Variants in ATG2A observed in about 807,000 individuals in gnomAD.
ATG2A encodes the protein autophagy-related protein 2 homolog A.
ATG2A carries 103 observed loss-of-function variants against 214.2 expected under a neutral mutation model. The observed-to-expected ratio is 0.48, with a 90% CI of 0.41 to 0.57. The LOEUF is 0.57. Among genes scored for constraint, ATG2A ranks in the 20% least tolerant of loss-of-function variants. ATG2A has a pLI of 0.00. For synonymous variants in ATG2A, 1,160 were observed against 1,142.1 expected, an observed-to-expected ratio of 1.02 and a Z score of -0.32; for missense variants, 2,312 against 2,613.2, an observed-to-expected ratio of 0.88 and a Z score of 2.51.
In ATG2A at chr11:64,907,277, A is replaced by T; in HGVS notation, c.2810T>A (p.Ile937Asn). The change falls in exon 19 of 41, where the codon ATC becomes AAC. Residue 937 changes from isoleucine to asparagine, a missense_variant. By Grantham distance (149) the Ile-to-Asn change is moderately radical. Transcript: ENST00000377264. ...STLVTVLKGR[I>N]TALCETKDEG... ...CACCTTGGTCTCACAGAGGGCTGTG[A>T]TCCGCCCCTTCAGCACTGTCACCAG... 1 of 1,527,858 alleles carries T rather than the reference A, an allele frequency of 6.5e-7. No homozygotes were observed. Among genetic ancestry groups the T allele is most frequent in the Non-Finnish European group, 8.8e-7 (1 of 1,134,912 alleles). The allele number at this position is 1,527,858 out of a possible 1,614,324, so 94.6% of individuals were successfully genotyped here. A position where few individuals can be genotyped will look rare whatever the true frequency, so the allele number is the denominator to read the frequency against.
intron 26 of ATG2A, 106 bp from the exon 27 acceptor site, chr11:64,902,786 C>G: frequency 1.9e-6 from 2 of 1,033,750 alleles, no homozygotes; most frequent in Non-Finnish European, 2.9e-6. Context: ...CTGCCACAGG[C>G]AGAACAGGGA....
At chr11:64,914,781 TG>T (rs1022917884) in intron 1 of ATG2A, among the ~76,000 whole-genome samples, 1 of 151,846 alleles carries the variant, frequency 6.6e-6, no homozygotes, top group African/African-American at 2.4e-5. Flanking sequence ...ATGCTGACAC[TG>T]AGACTAGATG....
intron 37 of ATG2A, 122 bp from the exon 38 acceptor site, chr11:64,896,991 G>T (rs1944175775): frequency 3.7e-6 from 5 of 1,353,276 alleles, no homozygotes; most frequent in Non-Finnish European, 5.0e-6. Context: ...CCTCCCTGTG[G>T]TCCCACCCAG....
Position 64,913,439 on chromosome 11 carries a change from C to G in ATG2A, c.591-38G>C, listed in dbSNP as rs1444511976. The G allele has an allele frequency of 6.6e-7, 1 of 1,523,514 alleles. No individual in the cohort carries two copies. Among genetic ancestry groups the G allele is most frequent in the African/African-American group, 1.4e-5 (1 of 73,070 alleles). 94.4% of individuals were successfully genotyped at this position (1,523,514 alleles called of 1,614,324 possible). ...GGGTCAGCCCGTGCCCTGGCCACCC[C>G]AGGCCTGGAGCCCCTCTCTCCACAC... On this transcript the variant is annotated intron_variant, in intron 4 of 40. Coordinates refer to ENST00000377264, the MANE Select transcript of ATG2A (RefSeq NM_015104.3). This position sits in a 1 kb window ranked among gnomAD's most constrained non-coding sequence, Gnocchi z 4.3.
intron 24 of ATG2A, among the ~76,000 whole-genome samples, chr11:64,904,560 T>TA (rs1187974527): frequency 1.3e-5 from 2 of 151,620 alleles, no homozygotes; most frequent in Non-Finnish European, 2.9e-5. Flanking sequence ...AAAAAATAAA[T>TA]AAAAAAGTCT....
At chr11:64,906,964 C>T (rs118183178) in intron 19 of ATG2A, 149 bp from the exon 20 acceptor site, 48 of 1,077,242 alleles carry the variant, frequency 4.5e-5, no homozygotes, top group Non-Finnish European at 6.0e-5. Flanking sequence ...ATGGCACTTG[C>T]CTCTTTTGCC....
rs1944160140 is a variant in ATG2A at position 64,896,599 on chromosome 11, G to A, written c.5290C>T (p.Leu1764=). Residue 1764 remains leucine (L), a synonymous_variant, in exon 39 of 41, where the codon CTG becomes TTG. Transcript: ENST00000377264. ...VVQLFQGFRD[L]LWLPIEQYRK... Reference sequence around the variant, plus strand: ...TACTGCTCAATGGGCAGCCACAGCAGGTCCCGGAACCCTTGGACTAGGGGG... The same window carrying A: ...TACTGCTCAATGGGCAGCCACAGCAAGTCCCGGAACCCTTGGACTAGGGGG... The A allele has an allele frequency of 1.2e-6, 2 of 1,613,824 alleles. No individual in the cohort carries two copies. The highest frequency in any genetic ancestry group is 1.7e-5 in the Admixed American group (1 of 60,004).
rs746013952 is a variant in ATG2A, at chr11:64,907,827, G to A, written c.2428C>T (p.Arg810Cys). ...TFQSRTLALS[R>C]CSLEVILPSV... Reference sequence around the variant, plus strand: ...GGCAGGATCACTTCCAGGCTGCAGCGGGACAGTGCCAGGGTCCGGCTCTGG... The same window carrying A: ...GGCAGGATCACTTCCAGGCTGCAGCAGGACAGTGCCAGGGTCCGGCTCTGG... Residue 810 changes from arginine (R) to cysteine (C), a missense_variant, in exon 17 of 41, where the codon CGC becomes TGC. Coordinates refer to ENST00000377264, the MANE Select transcript of ATG2A (RefSeq NM_015104.3). 1.9e-5 allele frequency: 31 copies of A among 1,613,314 alleles called. No homozygotes were observed. Among genetic ancestry groups the A allele is most frequent in the East Asian group, 4.5e-5 (2 of 44,888 alleles).
chr11:64,905,383 A>G (rs1944505154), intron 24 of ATG2A, among the ~76,000 whole-genome samples, 180 bp downstream of exon 24: 1 of 152,226 alleles, frequency 6.6e-6, no homozygotes, highest in African/African-American at 2.4e-5. Flanking sequence ...ACAAATGCTT[A>G]TAAGGGTCTC....
At chr11:64,907,502 C>T in intron 18 of ATG2A, 23 bp downstream of exon 18, 1 of 1,612,288 alleles carries the variant, frequency 6.2e-7, no homozygotes. Context: ...CTCCCTCTAG[C>T]CCAGCGTTAG....
chr11:64,897,068 T>C, intron 37 of ATG2A, 199 bp from the exon 38 acceptor site: 1 of 790,086 alleles, frequency 1.3e-6, no homozygotes, highest in Non-Finnish European at 1.9e-6. Context: ...TTGCCCAGGC[T>C]GGAGTGAAGT....
Position 64,906,525 on chromosome 11 carries a change from C to A in ATG2A, c.2992G>T (p.Asp998Tyr). Residue 998 changes from aspartate (D) to tyrosine (Y), a missense_variant, in exon 21 of 41, where the codon GAT (aspartate) becomes TAT (tyrosine). Transcript: ENST00000377264. ...KATLYHRAAVDDYPLPSHLDL... is the reference protein window; with the variant it reads ...KATLYHRAAVYDYPLPSHLDL... Reference sequence around the variant, plus strand: ...AGGTGACTGGGCAGCGGGTAGTCATCCACGGCCGCTGGGGAGGGGTCTCAT... The same window carrying A: ...AGGTGACTGGGCAGCGGGTAGTCATACACGGCCGCTGGGGAGGGGTCTCAT... 1.9e-6 allele frequency: 3 copies of A among 1,612,856 alleles called. No individual in the cohort carries two copies. The highest frequency in any genetic ancestry group is 2.5e-6 in the Non-Finnish European group (3 of 1,179,828).
In ATG2A at chr11:64,903,984, G is replaced by A. The variant is rs989112428; in HGVS notation, c.3465-324C>T. On this transcript the variant is annotated intron_variant, in intron 24 of 40. Coordinates refer to ENST00000377264, the MANE Select transcript of ATG2A (RefSeq NM_015104.3). The surrounding 1 kb of genome is among the most constrained non-coding windows in gnomAD (Gnocchi z 4.2). The stretch of plus-strand genomic sequence containing the variant: ...ATTTTTGGCTGGCGCGGTGGCTCAC[G>A]CCTGTAATCCCAGCACTTGGAGAGG... Among the ~76,000 whole-genome samples the A allele has an allele frequency of 6.6e-6, 1 of 152,218 alleles. No individual in the cohort carries two copies. Among genetic ancestry groups the A allele is most frequent in the African/African-American group, 2.4e-5 (1 of 41,460 alleles).
rs778705553 is a variant in ATG2A, at chr11:64,906,366, G to A, written c.3151C>T (p.Arg1051Cys). 1.1e-5 allele frequency: 17 copies of A among 1,613,268 alleles called. No individual in the cohort carries two copies. Among genetic ancestry groups the A allele is most frequent in the East Asian group, 2.2e-5 (1 of 44,882 alleles). ...RGPHMLSTAVRIHLDPHKNVK... is the reference protein window; with the variant it reads ...RGPHMLSTAVCIHLDPHKNVK... ...TTCTTGTGGGGGTCCAGGTGGATGCGCACAGCAGTGGACAACATGTGGGGT... is the reference window on the plus strand; with the variant it reads ...TTCTTGTGGGGGTCCAGGTGGATGCACACAGCAGTGGACAACATGTGGGGT... Residue 1051 changes from arginine (R) to cysteine (C), a missense_variant, in exon 21 of 41, where the codon CGC becomes TGC. Coordinates refer to ENST00000377264, the MANE Select transcript of ATG2A (RefSeq NM_015104.3).
At position 64,914,157 on chromosome 11, in the gene ATG2A, C is replaced by T; in HGVS notation, c.411G>A (p.Arg137=). Residue 137 remains arginine, a synonymous_variant, in exon 3 of 41, where the codon CGG becomes CGA. Transcript: ENST00000377264. ...GCTCAGAGGGCTCCGGTAGCCCATC[C>T]CGCAGACACTCCTGGGCCAGCTGCA... ...TSLQLAQECL[R]DGLPEPSEPP... is the part of the protein sequence containing the mutation. The T allele has an allele frequency of 1.3e-6, 2 of 1,552,818 alleles. No individual in the cohort carries two copies. The highest frequency in any genetic ancestry group is 1.7e-6 in the Non-Finnish European group (2 of 1,147,988).
intron 16 of ATG2A, among the ~76,000 whole-genome samples, chr11:64,908,436 C>T (rs759693541): frequency 5.9e-5 from 9 of 152,112 alleles, no homozygotes; most frequent in East Asian, 1.9e-4. Flanking sequence ...CCTGTAATCC[C>T]GGCTACTCAG....
rs1944554900 is a variant in ATG2A at position 64,906,491 on chromosome 11, G to C, written c.3026C>G (p.Pro1009Arg). The C allele has an allele frequency of 6.2e-7, 1 of 1,613,232 alleles. No individual in the cohort carries two copies. The highest frequency in any genetic ancestry group is 8.5e-7 in the Non-Finnish European group (1 of 1,180,016). Residue 1009 changes from proline (P) to arginine (R), a missense_variant, in exon 21 of 41, where the codon CCC becomes CGC. Coordinates refer to ENST00000377264, the MANE Select transcript of ATG2A (RefSeq NM_015104.3). The stretch of plus-strand genomic sequence containing the variant: ...CAGCTGAGCCGGGGGAGCGAAACTG[G>C]GAAGGTCCAGGTGACTGGGCAGCGG... Reference protein sequence around the residue: ...DYPLPSHLDLPSFAPPAQLAP... With the variant: ...DYPLPSHLDLRSFAPPAQLAP...
Position 64,902,331 on chromosome 11 carries a change from A to G in ATG2A, c.3833T>C (p.Ile1278Thr), listed in dbSNP as rs1195660396. Residue 1278 changes from isoleucine (I) to threonine (T), a missense_variant, in exon 28 of 41, where the codon ATC becomes ACC. Physicochemically the swap from Ile to Thr is moderately conservative, Grantham distance 89 (BLOSUM62 -1). Transcript: ENST00000377264. Reference protein sequence around the residue: ...PSCPPVETALINQRDLADALL... With the variant: ...PSCPPVETALTNQRDLADALL... ...GGCGTCGGCCAGGTCACGCTGGTTG[A>G]TGAGGGCCGTCTCCACTGGGGGGCA... 1 of 1,609,554 alleles carries G rather than the reference A, an allele frequency of 6.2e-7. No homozygotes were observed. Among genetic ancestry groups the G allele is most frequent in the African/African-American group, 1.3e-5 (1 of 74,968 alleles).
In ATG2A at chr11:64,907,504, CAGCGTTA is replaced by C. The variant is rs777018103; in HGVS notation, c.2647+14_2647+20del. ...AGACCTGGGGGTCCTCCCTCTAGCC[CAGCGTTA>C]GCACCTCTCATACCCAGCTTGAAGG... On this transcript the variant is annotated intron_variant, in intron 18 of 40. Transcript: ENST00000377264. 5 of 1,612,352 alleles carry C rather than the reference CAGCGTTA, an allele frequency of 3.1e-6. No homozygotes were observed. In the Admixed American group the frequency reaches 8.4e-5, roughly 27 times the overall value.
Sources: allele counts gnomAD v4.1 joint callset (sites outside exome capture counted in the v4.1 genomes callset), GRCh38; gene constraint gnomAD v4.1.1; non-coding constraint Gnocchi (gnomAD v3.1); transcripts MANE v1.5; gene names NCBI Gene and HGNC (gene_info 2026-07-23, HGNC 2026-07-21).